Variants in SEMA6D observed in about 807,000 individuals in gnomAD.
SEMA6D encodes semaphorin-6D.
SEMA6D carries 35 observed loss-of-function variants against 106.6 expected under a neutral mutation model. That is an observed-to-expected ratio of 0.33 (90% CI 0.25 to 0.44). The LOEUF (loss-of-function observed/expected upper bound fraction) is 0.44. Among genes scored for constraint, SEMA6D ranks in the 20% least tolerant of loss-of-function variants. The probability of loss-of-function intolerance (pLI) is 1.00; values close to 1 mark genes in which losing one functional copy is unlikely to be tolerated. For synonymous variants in SEMA6D, 499 were observed against 487.7 expected (o/e 1.02, Z -0.31); for missense variants, 1,185 against 1,345.9 (o/e 0.88, Z 1.87).
chr15:47,385,504 T>C (rs1422050977), intron 1 of SEMA6D, among the ~76,000 whole-genome samples: 4 of 152,142 alleles, frequency 2.6e-5, no homozygotes, highest in African/African-American at 9.7e-5. Context: ...TGGCCTCTGC[T>C]TTCCCTGAGA....
chr15:47,301,018 T>C (rs2035998212), intron 1 of SEMA6D, among the ~76,000 whole-genome samples: 1 of 152,186 alleles, frequency 6.6e-6, no homozygotes, highest in Non-Finnish European at 1.5e-5. Context: ...AAATTATATC[T>C]TGAGATACAA....
chr15:47,212,793 G>A (rs2030171426), intron 1 of SEMA6D, among the ~76,000 whole-genome samples: 1 of 152,162 alleles, frequency 6.6e-6, no homozygotes, highest in African/African-American at 2.4e-5. Context: ...TGGAAAGAGT[G>A]TGGCATGAGG....
At chr15:47,417,329 G>T (rs1378825810) in intron 2 of SEMA6D, among the ~76,000 whole-genome samples, 5 of 151,750 alleles carry the variant, frequency 3.3e-5, no homozygotes, top group Admixed American at 2.0e-4. Flanking sequence ...CTCATATCAG[G>T]CAAGAAGATA....
chr15:47,303,499 G>A lies in SEMA6D; in HGVS notation c.-238-108894G>A, dbSNP rs75219141. On this transcript the variant is annotated intron_variant, in intron 1 of 19. Transcript: ENST00000558014. Reference sequence around the variant, plus strand: ...ATCAACCTATTTAAAATCATGCACCGTTTCTTGTTTTGCCTTCCTCTGTGG... The same window carrying A: ...ATCAACCTATTTAAAATCATGCACCATTTCTTGTTTTGCCTTCCTCTGTGG... 6.2e-3 allele frequency among the ~76,000 whole-genome samples: 947 copies of A among 152,190 alleles called. 10 individuals carry two copies. The highest frequency in any genetic ancestry group is 0.021 in the African/African-American group (876 of 41,516).
intron 1 of SEMA6D, among the ~76,000 whole-genome samples, chr15:47,225,915 A>C (rs2031628856): frequency 6.6e-6 from 1 of 152,120 alleles, no homozygotes; most frequent in Admixed American, 6.6e-5. Flanking sequence ...ACACACAGAC[A>C]TACACACATA....
intron 4 of SEMA6D, among the ~76,000 whole-genome samples, chr15:47,702,475 T>C (rs2078831451): frequency 6.6e-6 from 1 of 152,180 alleles, no homozygotes; most frequent in African/African-American, 2.4e-5. Context: ...CTTACAAAAC[T>C]AAACATATGC....
chr15:47,720,866 T>C (rs144272283), intron 1 of SEMA6D, among the ~76,000 whole-genome samples: 1 of 152,368 alleles, frequency 6.6e-6, no homozygotes, highest in East Asian at 1.9e-4. Flanking sequence ...TGATGCATTT[T>C]ATGCAGAGTT....
rs549038978 is a variant in SEMA6D, at chr15:47,224,538, T to A, written c.-239+40120T>A. The stretch of plus-strand genomic sequence containing the variant: ...GAAGTGCAGACTGTGAAAATGACGT[T>A]TTATCTCAGATCTCTTTAACTTCCA... On this transcript the variant is annotated intron_variant, in intron 1 of 19. Transcript: ENST00000558014. Among the ~76,000 whole-genome samples, 46 of 152,126 alleles carry A rather than the reference T, an allele frequency of 3.0e-4. 1 individual carries two copies. The highest frequency in any genetic ancestry group is 3.0e-3 in the Admixed American group (46 of 15,246).
intron 1 of SEMA6D, among the ~76,000 whole-genome samples, chr15:47,195,721 G>A (rs763526285): frequency 2.0e-5 from 3 of 151,972 alleles, no homozygotes; most frequent in African/African-American, 4.8e-5. Flanking sequence ...TCTTGTGCTC[G>A]CCGTGTTTGA....
chr15:47,660,849 G>C (rs939831154), intron 4 of SEMA6D, among the ~76,000 whole-genome samples: 1 of 152,098 alleles, frequency 6.6e-6, no homozygotes, highest in African/African-American at 2.4e-5. Flanking sequence ...ATGAAAATTT[G>C]AAATGAAATG....
intron 4 of SEMA6D, among the ~76,000 whole-genome samples, chr15:47,654,660 T>G (rs543766466): frequency 6.6e-6 from 1 of 152,296 alleles, no homozygotes; most frequent in Admixed American, 6.5e-5. Flanking sequence ...ATAAGTGAGC[T>G]CTCACTCTGA....
intron 1 of SEMA6D, among the ~76,000 whole-genome samples, chr15:47,276,217 C>T (rs1193459543): frequency 6.6e-6 from 1 of 152,106 alleles, no homozygotes. Flanking sequence ...GCAGCAAATG[C>T]CCATGGAGAA....
intron 1 of SEMA6D, among the ~76,000 whole-genome samples, chr15:47,265,874 A>C (rs1165341987): frequency 5.3e-5 from 8 of 152,002 alleles, no homozygotes; most frequent in Non-Finnish European, 8.8e-5. Context: ...AGAGAGTGCA[A>C]CCTTTGTTGT....
At chr15:47,357,178 C>T (rs954039346) in intron 1 of SEMA6D, among the ~76,000 whole-genome samples, 1 of 151,622 alleles carries the variant, frequency 6.6e-6, no homozygotes, top group Middle Eastern at 3.2e-3. Flanking sequence ...ACTAAAAATA[C>T]AAAAAATTAG....
chr15:47,556,913 C>A (rs936657586), intron 3 of SEMA6D, among the ~76,000 whole-genome samples: 6 of 152,110 alleles, frequency 3.9e-5, no homozygotes, highest in Non-Finnish European at 5.9e-5. Flanking sequence ...CAATTTCTCT[C>A]TTATTGCTGT....
At chr15:47,249,686 G>C (rs571421280) in intron 1 of SEMA6D, among the ~76,000 whole-genome samples, 1 of 152,306 alleles carries the variant, frequency 6.6e-6, no homozygotes, top group Non-Finnish European at 1.5e-5. Flanking sequence ...GGAAGAGGCA[G>C]CATAGAATAG....
intron 1 of SEMA6D, among the ~76,000 whole-genome samples, chr15:47,201,631 C>T (rs1894732659): frequency 1.3e-5 from 2 of 152,072 alleles, no homozygotes; most frequent in Non-Finnish European, 2.9e-5. Flanking sequence ...TATGCAGTCC[C>T]ACAGATCACA....
intron 1 of SEMA6D, among the ~76,000 whole-genome samples, chr15:47,282,777 G>A (rs1463647751): frequency 6.6e-6 from 1 of 152,104 alleles, no homozygotes; most frequent in Non-Finnish European, 1.5e-5. Context: ...TGCCTTGTCT[G>A]TGTCTTTCCT....
At chr15:47,764,508 C>T in intron 11 of SEMA6D, 130 bp from the exon 12 acceptor site, 1 of 1,351,108 alleles carries the variant, frequency 7.4e-7, no homozygotes, top group Non-Finnish European at 1.0e-6. Flanking sequence ...CATAGCATTG[C>T]TCCTTTAGTT....
Sources: gnomAD v4.1 joint callset for allele counts (sites outside exome capture counted in the v4.1 genomes callset) on GRCh38, gnomAD v4.1.1 for gene constraint, MANE v1.5 for transcripts, NCBI Gene and HGNC (gene_info 2026-07-23, HGNC 2026-07-21) for gene names.